Variants in ATP1A3 observed in about 807,000 individuals in gnomAD.
ATP1A3 encodes the protein ATPase Na+/K+ transporting subunit alpha 3.
A neutral mutation model predicts 108.8 loss-of-function variants in ATP1A3; 12 were observed. That is an observed-to-expected ratio of 0.11 (90% CI 0.07 to 0.18). The LOEUF is 0.18. ATP1A3 is among the 10% of genes least tolerant of loss of function. ATP1A3 has a pLI of 1.00. For missense variants in ATP1A3, 498 were observed against 1,387.7 expected (o/e 0.36, Z 10.19); for synonymous variants, 539 against 564.5 (o/e 0.95, Z 0.64).
chr19:41,981,487 G>C lies in ATP1A3; in HGVS notation c.1437+15C>G. The C allele has an allele frequency of 6.2e-7, 1 of 1,614,190 alleles. No individual in the cohort carries two copies. Among genetic ancestry groups the C allele is most frequent in the Non-Finnish European group, 8.5e-7 (1 of 1,180,054 alleles). On this transcript the variant is annotated intron_variant, in intron 11 of 22. Coordinates refer to ENST00000648268, the MANE Select transcript of ATP1A3 (RefSeq NM_152296.5). The surrounding 1 kb of genome is among the most constrained non-coding windows in gnomAD (Gnocchi z 5.0). ...CCTGAGGTCCAGGCTGGCTCTCCCG[G>C]AAAGCCCAGAGTACCTGGTATTTGT...
In ATP1A3 at chr19:41,978,126, C is replaced by G; in HGVS notation, c.1806+25G>C. 1.2e-6 allele frequency: 2 copies of G among 1,614,236 alleles called. No homozygotes were observed. Among genetic ancestry groups the G allele is most frequent in the Admixed American group, 1.7e-5 (1 of 60,032 alleles). On this transcript the variant is annotated intron_variant, in intron 13 of 22. Transcript: ENST00000648268. This position sits in a 1 kb window ranked among gnomAD's most constrained non-coding sequence, Gnocchi z 8.3. ...TCTCCCGCCCCACGCCTGGCTTTGC[C>G]TCCCCCAGCCACCCCAAGCCACACC...
intron 1 of ATP1A3, chr19:41,993,306 A>T: frequency 7.4e-7 from 1 of 1,345,188 alleles, no homozygotes; most frequent in Non-Finnish European, 1.0e-6. Context: ...ACACACGGAC[A>T]CAGAGGCAAG....
chr19:41,990,044 G>A (rs2075322174), intron 1 of ATP1A3, among the ~76,000 whole-genome samples: 1 of 151,918 alleles, frequency 6.6e-6, no homozygotes, highest in Non-Finnish European at 1.5e-5. Flanking sequence ...CCTCTGAGTT[G>A]GCGTCTCAAG....
Position 41,978,470 on chromosome 19 carries a change from C to CTCATCCATCCAT in ATP1A3, c.1630+124_1630+135dup, listed in dbSNP as rs1214842105. The CTCATCCATCCAT allele has an allele frequency of 6.8e-6, 10 of 1,481,460 alleles. No homozygotes were observed. The East Asian group carries it at 2.1e-4, about 31-fold the overall frequency. The allele number at this position is 1,481,460 out of a possible 1,614,324, so 91.8% of individuals were successfully genotyped here. On this transcript the variant is annotated intron_variant, in intron 12 of 22. Coordinates refer to ENST00000648268, the MANE Select transcript of ATP1A3 (RefSeq NM_152296.5). This position sits in a 1 kb window ranked among gnomAD's most constrained non-coding sequence, Gnocchi z 8.3. ...TTCATTTCCTAGGATACCTTCCCCT[C>CTCATCCATCCAT]TCATCCATCCATTCATTCATTCATT... is the stretch of plus-strand genomic sequence containing the variant.
chr19:41,989,919 G>C (rs2075320935), intron 1 of ATP1A3, among the ~76,000 whole-genome samples: 1 of 151,690 alleles, frequency 6.6e-6, no homozygotes, highest in Non-Finnish European at 1.5e-5. Flanking sequence ...CTATGATTTT[G>C]TCTCTCTCTG....
Position 41,967,286 on chromosome 19 carries a change from G to A in ATP1A3, c.2976C>T (p.Asp992=), listed in dbSNP as rs146199765. The change falls in exon 22 of 23, where the codon GAC becomes GAT. Residue 992 remains aspartate, a synonymous_variant. Coordinates refer to ENST00000648268, the MANE Select transcript of ATP1A3 (RefSeq NM_152296.5). This position sits in a 1 kb window ranked among gnomAD's most constrained non-coding sequence, Gnocchi z 4.2. The part of the protein sequence containing the change: ...FPYSFLIFVY[D]EIRKLILRRN... ...TGCGCAGGATGAGTTTGCGGATTTC[G>A]TCGTAGACGAAGATGAGGAAACTGT... 473 of 1,613,656 alleles carry A rather than the reference G, an allele frequency of 2.9e-4. No homozygotes were observed. The African/African-American group carries it at 5.5e-3, about 19-fold the overall frequency.
intron 14 of ATP1A3, 146 bp from the exon 15 acceptor site, chr19:41,976,712 A>T: frequency 1.7e-6 from 2 of 1,177,500 alleles, no homozygotes; most frequent in Non-Finnish European, 2.4e-6. Flanking sequence ...CCTCTGGGAG[A>T]AGCAGGGGAG....
Position 41,985,834 on chromosome 19 carries a change from G to A in ATP1A3, c.606+30C>T, listed in dbSNP as rs370427719. 5.1e-5 allele frequency: 83 copies of A among 1,612,552 alleles called. 1 individual carries two copies. The African/African-American group carries it at 7.5e-4, about 15-fold the overall frequency. On this transcript the variant is annotated intron_variant, in intron 6 of 22. Coordinates refer to ENST00000648268, the MANE Select transcript of ATP1A3 (RefSeq NM_152296.5). This position sits in a 1 kb window ranked among gnomAD's most constrained non-coding sequence, Gnocchi z 8.2. The stretch of plus-strand genomic sequence containing the variant: ...TGAGCTCCTGGGCAGCCCGAGGGAG[G>A]GTAAAGCCGGGCCCTAGGCCCAGGC...
chr19:41,993,434 C>G, intron 1 of ATP1A3: 1 of 1,535,536 alleles, frequency 6.5e-7, no homozygotes, highest in Non-Finnish European at 8.7e-7. Flanking sequence ...CCTCCCATGC[C>G]TGCTCCCCTA....
At chr19:41,991,871 G>A (rs1485344847) in intron 1 of ATP1A3, among the ~76,000 whole-genome samples, 1 of 149,992 alleles carries the variant, frequency 6.7e-6, no homozygotes. Context: ...AGGGAGGAGG[G>A]GCTGGGGCTG....
intron 18 of ATP1A3, 38 bp from the exon 19 acceptor site, chr19:41,969,618 A>C (rs782193284): frequency 6.2e-7 from 1 of 1,611,806 alleles, no homozygotes. Flanking sequence ...AGAGGCTCAG[A>C]TTGGGGCCAG....
chr19:41,983,602 T>G (rs1555864246), intron 8 of ATP1A3, among the ~76,000 whole-genome samples: 1 of 145,640 alleles, frequency 6.9e-6, no homozygotes, highest in Non-Finnish European at 1.5e-5. Context: ...ATTATTATAA[T>G]AATTATTATT....
At position 41,994,141 on chromosome 19, in the gene ATP1A3, C is replaced by CAGGCTT; in HGVS notation, c.-71_-66dup. 2.7e-6 allele frequency: 4 copies of CAGGCTT among 1,497,656 alleles called. No homozygotes were observed. Among genetic ancestry groups the CAGGCTT allele is most frequent in the East Asian group, 2.6e-5 (1 of 38,240 alleles). The allele number at this position is 1,497,656 out of a possible 1,614,324, so 92.8% of individuals were successfully genotyped here. A position where few individuals can be genotyped will look rare whatever the true frequency, so the allele number is the denominator to read the frequency against. On this transcript the variant is annotated 5_prime_UTR_variant, in exon 1 of 23. Coordinates refer to ENST00000648268, the MANE Select transcript of ATP1A3 (RefSeq NM_152296.5). ...GGGGACCTCGGGGCGGGCTCAGGCT[C>CAGGCTT]AGGCTTGGGCTGGGAGCCTCTGCAG...
intron 1 of ATP1A3, 130 bp downstream of exon 1, chr19:41,993,941 C>T (rs2075363844): frequency 4.6e-6 from 7 of 1,518,698 alleles, no homozygotes; most frequent in African/African-American, 1.4e-5. Flanking sequence ...CTGGGTCAGC[C>T]GGCTCCCCGG....
intron 19 of ATP1A3, 82 bp downstream of exon 19, chr19:41,969,353 T>C (rs1467667620): frequency 6.3e-7 from 1 of 1,597,350 alleles, no homozygotes; most frequent in Non-Finnish European, 8.6e-7. Context: ...GGGGCCATCG[T>C]AGGAAGTGGC....
At chr19:41,975,298 G>C (rs1555860703) in intron 16 of ATP1A3, among the ~76,000 whole-genome samples, 1 of 152,196 alleles carries the variant, frequency 6.6e-6, no homozygotes, top group Admixed American at 6.5e-5. Context: ...TGATCTGCCT[G>C]CTTCAGCCTT....
At chr19:41,972,871 A>G (rs8106625) in intron 16 of ATP1A3, among the ~76,000 whole-genome samples, 4 of 133,394 alleles carry the variant, frequency 3.0e-5, no homozygotes, top group African/African-American at 1.2e-4. Context: ...AGAAGGAAGG[A>G]AGGCAGGCAG....
At chr19:41,969,407 C>G in intron 19 of ATP1A3, 28 bp downstream of exon 19, 1 of 1,614,104 alleles carries the variant, frequency 6.2e-7, no homozygotes, top group African/African-American at 1.3e-5. Context: ...TTACGGTGGG[C>G]AGAGACACAG....
intron 1 of ATP1A3, among the ~76,000 whole-genome samples, chr19:41,990,489 C>G (rs1261059951): frequency 7.7e-6 from 1 of 130,272 alleles, no homozygotes; most frequent in Admixed American, 7.6e-5. Flanking sequence ...ATCTCTCATT[C>G]TCTTTCTCTC....
Sources: allele counts gnomAD v4.1 joint callset (sites outside exome capture counted in the v4.1 genomes callset), GRCh38; gene constraint gnomAD v4.1.1; non-coding constraint Gnocchi (gnomAD v3.1); transcripts MANE v1.5; gene names NCBI Gene and HGNC (gene_info 2026-07-23, HGNC 2026-07-21).